Variants in PCNP observed in about 807,000 individuals in gnomAD.
The protein encoded by PCNP is PEST proteolytic signal containing nuclear protein.
A neutral mutation model predicts 21.8 loss-of-function variants in PCNP; 6 were observed. That is an observed-to-expected ratio of 0.28 (90% CI 0.15 to 0.54). The LOEUF (loss-of-function observed/expected upper bound fraction) is 0.54, where lower values mean the gene tolerates loss of function less well. PCNP is among the 20% of genes least tolerant of loss of function. The pLI is 0.95. For missense variants in PCNP, 161 were observed against 215.5 expected (o/e 0.75, Z 1.58); for synonymous variants, 67 against 73.2 (o/e 0.92, Z 0.43).
intron 1 of PCNP, chr3:101,576,540 G>T: frequency 6.2e-7 from 1 of 1,610,608 alleles, no homozygotes; most frequent in South Asian, 1.1e-5. Context: ...CAGTGGTCTT[G>T]GTGTGCTGGC....
chr3:101,577,178 A>G (rs1934963629), intron 1 of PCNP, among the ~76,000 whole-genome samples: 1 of 152,262 alleles, frequency 6.6e-6, no homozygotes, highest in Admixed American at 6.5e-5. Flanking sequence ...CCTGCTTTAA[A>G]TAATAGGGTA....
chr3:101,577,716 G>T (rs1238795445), intron 1 of PCNP, among the ~76,000 whole-genome samples: 2 of 152,088 alleles, frequency 1.3e-5, no homozygotes, highest in African/African-American at 4.8e-5. Context: ...TAGAGACGGG[G>T]TTTTGCCATG....
intron 2 of PCNP, 26 bp from the exon 3 acceptor site, chr3:101,585,411 T>C (rs1303952705): frequency 2.2e-6 from 3 of 1,351,518 alleles, no homozygotes; most frequent in East Asian, 2.3e-5. Context: ...CTACATGATA[T>C]TCTTTTTAAT....
intron 2 of PCNP, among the ~76,000 whole-genome samples, chr3:101,582,980 C>T (rs1446235807): frequency 6.6e-6 from 1 of 152,198 alleles, no homozygotes; most frequent in Non-Finnish European, 1.5e-5. Context: ...AACAGATTTG[C>T]ATCTTAGAAG....
chr3:101,590,277 T>G lies in PCNP; in HGVS notation c.410+7T>G. On this transcript the variant is annotated splice_region_variant and intron_variant, in intron 4 of 4. Coordinates refer to ENST00000265260, the MANE Select transcript of PCNP (RefSeq NM_020357.3). ...GGATGAAGAATATTGGAAGGTATTA[T>G]AATTTTTCATAAATATTATAGAAAG... 1.5e-6 allele frequency: 2 copies of G among 1,379,248 alleles called. No homozygotes were observed. The highest frequency in any genetic ancestry group is 2.4e-5 in the South Asian group (2 of 83,698). The allele number at this position is 1,379,248 out of a possible 1,614,324, so 85.4% of individuals were successfully genotyped here. A position where few individuals can be genotyped will look rare whatever the true frequency, so the allele number is the denominator to read the frequency against.
chr3:101,587,616 GAGA>G (rs1401952046), intron 3 of PCNP, among the ~76,000 whole-genome samples: 2 of 151,222 alleles, frequency 1.3e-5, no homozygotes, highest in East Asian at 3.9e-4. Context: ...TGGAAATTGA[GAGA>G]AGGAGTAAAG....
intron 4 of PCNP, among the ~76,000 whole-genome samples, chr3:101,592,136 TTTTG>T (rs1199263050): frequency 1.3e-5 from 2 of 151,654 alleles, no homozygotes. Flanking sequence ...GTAAAGTGTT[TTTTG>T]TTTTTTGTTT....
intron 2 of PCNP, 127 bp downstream of exon 2, chr3:101,580,131 G>A (rs191286398): frequency 2.7e-5 from 18 of 678,010 alleles, no homozygotes; most frequent in South Asian, 1.8e-4. Context: ...AATCTTTGAC[G>A]TATGAACTTA....
At chr3:101,585,145 C>T (rs976276839) in intron 2 of PCNP, among the ~76,000 whole-genome samples, 39 of 152,332 alleles carry the variant, frequency 2.6e-4, no homozygotes, top group African/African-American at 8.7e-4. Context: ...TAATCATTTT[C>T]TCTTGCCTGT....
At chr3:101,577,763 A>T (rs558364351) in intron 1 of PCNP, among the ~76,000 whole-genome samples, 1 of 152,230 alleles carries the variant, frequency 6.6e-6, no homozygotes, top group South Asian at 2.1e-4. Flanking sequence ...ACCTCAGGTG[A>T]TCCACCCGCC....
chr3:101,582,600 C>T (rs1343492194), intron 2 of PCNP, among the ~76,000 whole-genome samples: 1 of 152,170 alleles, frequency 6.6e-6, no homozygotes, highest in African/African-American at 2.4e-5. Context: ...AAATACATGA[C>T]ATCTTTAAAA....
At chr3:101,580,810 A>T (rs971263953) in intron 2 of PCNP, among the ~76,000 whole-genome samples, 2 of 152,230 alleles carry the variant, frequency 1.3e-5, no homozygotes, top group South Asian at 2.1e-4. Flanking sequence ...TGAAAATTTC[A>T]TAACCTTCAA....
chr3:101,584,962 C>G (rs1168437783), intron 2 of PCNP, among the ~76,000 whole-genome samples: 1 of 152,172 alleles, frequency 6.6e-6, no homozygotes, highest in Non-Finnish European at 1.5e-5. Context: ...CAAGATTATG[C>G]CGCTGCACTC....
At chr3:101,576,195 C>T (rs1274775873) in intron 1 of PCNP, among the ~76,000 whole-genome samples, 1 of 150,098 alleles carries the variant, frequency 6.7e-6, no homozygotes, top group African/African-American at 2.4e-5. Flanking sequence ...TCCTGTCGAG[C>T]AGTCTACTAA....
At chr3:101,574,391 C>T (rs1447468670) in intron 1 of PCNP, 112 bp downstream of exon 1, 2 of 1,330,688 alleles carry the variant, frequency 1.5e-6, no homozygotes, top group Non-Finnish European at 1.0e-6. Flanking sequence ...GGACCTCACC[C>T]GGCCAGGTGT....
chr3:101,576,910 A>G, intron 1 of PCNP: 3 of 1,598,970 alleles, frequency 1.9e-6, no homozygotes, highest in East Asian at 2.2e-5. Flanking sequence ...GAGTACTCGC[A>G]AAATATGCTG....
intron 1 of PCNP, among the ~76,000 whole-genome samples, chr3:101,575,473 CCTGT>C (rs1236349037): frequency 4.0e-5 from 6 of 151,152 alleles, no homozygotes; most frequent in South Asian, 2.1e-4. Flanking sequence ...CTCCCCACCC[CCTGT>C]CTTTTTTTTT....
At chr3:101,575,508 C>T (rs1226701233) in intron 1 of PCNP, among the ~76,000 whole-genome samples, 12 of 150,414 alleles carry the variant, frequency 8.0e-5, no homozygotes, top group African/African-American at 2.9e-4. Flanking sequence ...AGTAAAATAC[C>T]TTATGAAAGA....
intron 3 of PCNP, among the ~76,000 whole-genome samples, chr3:101,587,445 T>A (rs1935587875): frequency 6.6e-6 from 1 of 152,034 alleles, no homozygotes; most frequent in Non-Finnish European, 1.5e-5. Context: ...TCTCTTGGAC[T>A]TTCACTCATT....
Sources: allele counts gnomAD v4.1 joint callset (sites outside exome capture counted in the v4.1 genomes callset), GRCh38; gene constraint gnomAD v4.1.1; transcripts MANE v1.5; gene names NCBI Gene and HGNC (gene_info 2026-07-23, HGNC 2026-07-21).